ALDH1A1: variants seen among roughly 807,000 people sequenced by gnomAD.
ALDH1A1 encodes aldehyde dehydrogenase 1 family member A1.
A neutral mutation model predicts 62.1 loss-of-function variants in ALDH1A1; 19 were observed. That is an observed-to-expected ratio of 0.31 (90% CI 0.21 to 0.45). ALDH1A1 has a LOEUF of 0.45. ALDH1A1 is among the 20% of genes least tolerant of loss of function. ALDH1A1 has a pLI of 1.00. For missense variants in ALDH1A1, 521 were observed against 607.1 expected (o/e 0.86, Z 1.49); for synonymous variants, 231 against 215.9 (o/e 1.07, Z -0.61).
chr9:72,918,672 A>T, intron 8 of ALDH1A1, 48 bp downstream of exon 8: 1 of 984,650 alleles, frequency 1.0e-6, no homozygotes, highest in Non-Finnish European at 1.4e-6. Flanking sequence ...ATTATCAGAC[A>T]CCAAAAACGA....
intron 2 of ALDH1A1, among the ~76,000 whole-genome samples, chr9:72,937,782 G>T (rs573164723): frequency 6.6e-6 from 1 of 152,302 alleles, no homozygotes; most frequent in South Asian, 2.1e-4. Flanking sequence ...CTTTGTTTGT[G>T]CACTTTTTCC....
At position 72,928,761 on chromosome 9, in the gene ALDH1A1, C is replaced by T. The variant is rs530216025; in HGVS notation, c.442+131G>A. ...TTCTAAGTTGAAAACTGTGTTGTCT[C>T]AAAGTCAAGAGGAAAATAATTTTGC... On this transcript the variant is annotated intron_variant, in intron 4 of 12. Transcript: ENST00000297785. 4 of 1,069,296 alleles carry T rather than the reference C, an allele frequency of 3.7e-6. No homozygotes were observed. In the South Asian group the frequency reaches 8.7e-5, roughly 23 times the overall value. The allele number at this position is 1,069,296 out of a possible 1,614,324, so 66.2% of individuals were successfully genotyped here. A position where few individuals can be genotyped will look rare whatever the true frequency, so the allele number is the denominator to read the frequency against.
At chr9:72,911,809 AC>A in intron 10 of ALDH1A1, 148 bp downstream of exon 10, 1 of 914,096 alleles carries the variant, frequency 1.1e-6, no homozygotes, top group South Asian at 1.7e-5. Context: ...ATCACAAATA[AC>A]TTAAACCTCT....
At position 72,917,028 on chromosome 9, in the gene ALDH1A1, A is replaced by T. The variant is rs1461562038; in HGVS notation, c.927T>A (p.Ile309=). The change falls in exon 9 of 13, where the codon ATT becomes ATA. Residue 309 remains isoleucine (I), a synonymous_variant. Transcript: ENST00000297785. ...CATCATAAATTGATTCTTCCACAAA[A>T]ATCCTGGATGCGGCTATACAACACT... The part of the protein sequence containing the change: ...QGQCCIAASR[I]FVEESIYDEF... 6.2e-7 allele frequency: 1 copy of T among 1,613,872 alleles called. No individual in the cohort carries two copies. The highest frequency in any genetic ancestry group is 1.3e-5 in the African/African-American group (1 of 74,986).
At chr9:72,915,035 T>C (rs1308775433) in intron 9 of ALDH1A1, among the ~76,000 whole-genome samples, 1 of 152,150 alleles carries the variant, frequency 6.6e-6, no homozygotes, top group Non-Finnish European at 1.5e-5. Context: ...GGCTTTTTAG[T>C]CTTTTGTTTC....
In ALDH1A1 at chr9:72,909,785, A is replaced by C. The variant is rs141807184; in HGVS notation, c.1201-26T>G. The C allele has an allele frequency of 1.3e-4, 198 of 1,555,284 alleles. No individual in the cohort carries two copies. The African/African-American group carries it at 2.4e-3, about 19-fold the overall frequency. On this transcript the variant is annotated intron_variant, in intron 10 of 12. Transcript: ENST00000297785. ...CTATACCACAAGAAATAAATAAGTAAAAATAATAGGTTAAAATGAAATATT... is the reference window on the plus strand; with the variant it reads ...CTATACCACAAGAAATAAATAAGTACAAATAATAGGTTAAAATGAAATATT...
chr9:72,942,935 G>T (rs902684995), intron 1 of ALDH1A1, among the ~76,000 whole-genome samples: 1 of 151,872 alleles, frequency 6.6e-6, no homozygotes, highest in African/African-American at 2.4e-5. Flanking sequence ...GTTCTGCTTT[G>T]TGTTAATGTT....
In ALDH1A1 at chr9:72,946,129, A is replaced by C. The variant is rs570521631; in HGVS notation, c.67-5877T>G. ...CTTCTGTACATCATATATTTTCTGT[A>C]TCAGAGTTAAGATGTAGAAGCGATA... On this transcript the variant is annotated intron_variant, in intron 1 of 12. Coordinates refer to ENST00000297785, the MANE Select transcript of ALDH1A1 (RefSeq NM_000689.5). Among the ~76,000 whole-genome samples the C allele has an allele frequency of 1.2e-4, 18 of 152,106 alleles. No homozygotes were observed. The East Asian group carries it at 3.5e-3, about 29-fold the overall frequency.
intron 1 of ALDH1A1, among the ~76,000 whole-genome samples, chr9:72,945,972 C>A (rs1830468904): frequency 6.6e-6 from 1 of 151,920 alleles, no homozygotes; most frequent in South Asian, 2.1e-4. Context: ...AGTATATACT[C>A]TTTTTTCTTG....
chr9:72,952,866 C>G, intron 1 of ALDH1A1, 69 bp downstream of exon 1: 3 of 1,564,596 alleles, frequency 1.9e-6, no homozygotes, highest in Non-Finnish European at 2.6e-6. Flanking sequence ...TTAAATTGAC[C>G]TTTAATGCTT....
intron 12 of ALDH1A1, 109 bp from the exon 13 acceptor site, chr9:72,901,389 T>C (rs1213530133): frequency 5.8e-6 from 4 of 689,910 alleles, no homozygotes; most frequent in Non-Finnish European, 2.4e-6. Flanking sequence ...CTAGGGACAA[T>C]AGAAAATATT....
rs1353779501 is a variant in ALDH1A1 at position 72,908,619 on chromosome 9, GAAAGAA to G, written c.1358+977_1358+982del. Among the ~76,000 whole-genome samples, 66 of 103,820 alleles carry G rather than the reference GAAAGAA, an allele frequency of 6.4e-4. 1 individual carries two copies. Among genetic ancestry groups the G allele is most frequent in the Middle Eastern group, 6.2e-3 (1 of 162 alleles). 68.1% of individuals were successfully genotyped at this position (103,820 alleles called of 152,430 possible). On this transcript the variant is annotated intron_variant, in intron 11 of 12. Transcript: ENST00000297785. ...AGAAAGAAAGAAAGAAAGAAAGAAA[GAAAGAA>G]AGAGAATATTGCATAGGTCTGATCT...
At chr9:72,916,481 A>G (rs1469253732) in intron 9 of ALDH1A1, among the ~76,000 whole-genome samples, 1 of 152,190 alleles carries the variant, frequency 6.6e-6, no homozygotes, top group African/African-American at 2.4e-5. Flanking sequence ...TTAGGGGGTC[A>G]GAGTAACCGA....
intron 12 of ALDH1A1, among the ~76,000 whole-genome samples, chr9:72,904,269 T>G (rs979922312): frequency 6.6e-6 from 1 of 152,278 alleles, no homozygotes; most frequent in Middle Eastern, 3.4e-3. Context: ...TTTGTTCTAC[T>G]TCAGCAACAT....
Position 72,901,188 on chromosome 9 carries a change from T to C in ALDH1A1, c.*20A>G. ...AGATGCTTAGCTATTGAAGAGCTTCTCTCCACTCTTGTATTTTCTTTATGA... is the reference window on the plus strand; with the variant it reads ...AGATGCTTAGCTATTGAAGAGCTTCCCTCCACTCTTGTATTTTCTTTATGA... On this transcript the variant is annotated 3_prime_UTR_variant, in exon 13 of 13. Coordinates refer to ENST00000297785, the MANE Select transcript of ALDH1A1 (RefSeq NM_000689.5). 1 of 1,560,332 alleles carries C rather than the reference T, an allele frequency of 6.4e-7. No homozygotes were observed. The highest frequency in any genetic ancestry group is 8.8e-7 in the Non-Finnish European group (1 of 1,133,046).
intron 4 of ALDH1A1, among the ~76,000 whole-genome samples, chr9:72,928,531 A>C (rs1830240191): frequency 6.6e-6 from 1 of 152,222 alleles, no homozygotes. Context: ...AAGGATATAA[A>C]TGTCAGTATT....
intron 6 of ALDH1A1, 89 bp from the exon 7 acceptor site, chr9:72,924,221 AC>A: frequency 2.5e-6 from 2 of 799,898 alleles, no homozygotes; most frequent in Non-Finnish European, 4.0e-6. Context: ...CTTAATGCCA[AC>A]CTTATGAGAT....
At chr9:72,923,982 G>T in intron 7 of ALDH1A1, 37 bp downstream of exon 7, 1 of 1,396,640 alleles carries the variant, frequency 7.2e-7, no homozygotes, top group Non-Finnish European at 9.9e-7. Flanking sequence ...TGGCAATGCA[G>T]ACATTCTTAA....
chr9:72,945,219 GCCC>G (rs1263913756), intron 1 of ALDH1A1, among the ~76,000 whole-genome samples: 1 of 151,984 alleles, frequency 6.6e-6, no homozygotes, highest in African/African-American at 2.4e-5. Context: ...GCAAAATAAA[GCCC>G]TATTTGCCTT....
Sources: gnomAD v4.1 joint callset for allele counts (sites outside exome capture counted in the v4.1 genomes callset) on GRCh38, gnomAD v4.1.1 for gene constraint, MANE v1.5 for transcripts, NCBI Gene and HGNC (gene_info 2026-07-23, HGNC 2026-07-21) for gene names.